The following BMPER variants were observed in gnomAD, a reference collection of about 807,000 sequenced individuals.
BMPER encodes the protein BMP-binding endothelial regulator protein.
In BMPER, 45 loss-of-function variants were observed where a neutral mutation model predicts 87.3. The ratio of observed to expected loss-of-function variants is 0.52; its 90% CI spans 0.41 to 0.66. BMPER has a LOEUF of 0.66. BMPER is among the 30% of genes least tolerant of loss of function. The pLI is 0.00. For missense variants in BMPER, 784 were observed against 867.5 expected, an observed-to-expected ratio of 0.90 and a Z score of 1.21; for synonymous variants, 326 against 316.2, an observed-to-expected ratio of 1.03 and a Z score of -0.33.
chr7:33,916,236 T>A (rs1308013959), intron 2 of BMPER, among the ~76,000 whole-genome samples: 1 of 152,240 alleles, frequency 6.6e-6, no homozygotes, highest in Non-Finnish European at 1.5e-5. Context: ...CTTAGGAAGA[T>A]GGGTTGCTCC....
At chr7:34,146,707 G>A (rs545040843) in intron 14 of BMPER, among the ~76,000 whole-genome samples, 2 of 152,296 alleles carry the variant, frequency 1.3e-5, no homozygotes, top group African/African-American at 2.4e-5. Flanking sequence ...GAGCTAGGAA[G>A]CAAGGAAGCT....
chr7:33,959,137 T>G lies in BMPER; in HGVS notation c.320-7342T>G, dbSNP rs1334885823. On this transcript the variant is annotated intron_variant, in intron 3 of 14. Coordinates refer to ENST00000649409, the MANE Select transcript of BMPER (RefSeq NM_001365308.1). ...CTTCTTTTCATTACACATTACCCAG[T>G]CTCGTGTATGTCTTTATTAGCAGTG... 1.3e-5 allele frequency among the ~76,000 whole-genome samples: 2 copies of G among 152,168 alleles called. 1 individual carries two copies. Among genetic ancestry groups the G allele is most frequent in the Non-Finnish European group, 2.9e-5 (2 of 68,016 alleles).
At chr7:33,917,179 T>C (rs1377969969) in intron 2 of BMPER, among the ~76,000 whole-genome samples, 2 of 152,106 alleles carry the variant, frequency 1.3e-5, no homozygotes, top group East Asian at 3.9e-4. Context: ...AAAGTCACAA[T>C]GAAAAATGTC....
intron 13 of BMPER, among the ~76,000 whole-genome samples, chr7:34,129,227 G>A (rs1192312155): frequency 6.6e-6 from 1 of 152,122 alleles, no homozygotes; most frequent in Non-Finnish European, 1.5e-5. Flanking sequence ...TTAGGGACGG[G>A]TGTGGTGGCT....
At chr7:34,060,125 C>T (rs775629088) in intron 10 of BMPER, among the ~76,000 whole-genome samples, 7 of 152,110 alleles carry the variant, frequency 4.6e-5, no homozygotes, top group Admixed American at 3.3e-4. Flanking sequence ...CAGAGTCTTA[C>T]GGCTAATTGC....
At chr7:34,112,093 G>C (rs1789980860) in intron 13 of BMPER, among the ~76,000 whole-genome samples, 1 of 152,110 alleles carries the variant, frequency 6.6e-6, no homozygotes, top group African/African-American at 2.4e-5. Flanking sequence ...TTTTAGGGGA[G>C]TTTACAAAAT....
chr7:33,963,780 C>A (rs1466856405), intron 3 of BMPER, among the ~76,000 whole-genome samples: 4 of 151,966 alleles, frequency 2.6e-5, no homozygotes, highest in Non-Finnish European at 5.9e-5. Flanking sequence ...GAGACAAGAG[C>A]AAAACTCCGT....
chr7:34,149,988 A>G (rs941742848), intron 14 of BMPER, among the ~76,000 whole-genome samples: 1 of 152,180 alleles, frequency 6.6e-6, no homozygotes, highest in African/African-American at 2.4e-5. Context: ...ATTTGCTATG[A>G]CAAAGAGTAG....
intron 5 of BMPER, among the ~76,000 whole-genome samples, chr7:33,972,621 A>ATCTCTTT (rs1313383369): frequency 6.6e-6 from 1 of 151,716 alleles, no homozygotes; most frequent in African/African-American, 2.4e-5. Flanking sequence ...TGAGGTTGGG[A>ATCTCTTT]TCTGGCCCTT....
intron 11 of BMPER, among the ~76,000 whole-genome samples, chr7:34,074,314 G>A (rs1788808608): frequency 6.6e-6 from 1 of 152,178 alleles, no homozygotes; most frequent in Non-Finnish European, 1.5e-5. Flanking sequence ...GCCACGTGGT[G>A]GATCATGTGC....
intron 2 of BMPER, among the ~76,000 whole-genome samples, chr7:33,914,257 G>A (rs1419782361): frequency 3.3e-5 from 5 of 152,148 alleles, no homozygotes; most frequent in South Asian, 2.1e-4. Flanking sequence ...GAGCCACCGC[G>A]CCCGGCCTTC....
chr7:34,074,277 T>G (rs768810586), intron 11 of BMPER, among the ~76,000 whole-genome samples: 9 of 152,236 alleles, frequency 5.9e-5, no homozygotes, highest in Non-Finnish European at 1.2e-4. Flanking sequence ...TGTTTCCCAT[T>G]TAAGAGGCCA....
intron 10 of BMPER, 50 bp from the exon 11 acceptor site, chr7:34,061,952 T>TG: frequency 1.5e-6 from 2 of 1,357,144 alleles, no homozygotes; most frequent in Non-Finnish European, 2.0e-6. Context: ...GAGACCCTGT[T>TG]TTTTTTTTTT....
chr7:34,092,436 C>T (rs145670827), intron 13 of BMPER, among the ~76,000 whole-genome samples: 234 of 152,320 alleles, frequency 1.5e-3, no homozygotes, highest in African/African-American at 4.2e-3. Context: ...TCTCAGTTTG[C>T]CTGAGGTCCT....
At chr7:33,966,400 A>G (rs2128617696) in intron 3 of BMPER, 79 bp from the exon 4 acceptor site, 1 of 1,259,872 alleles carries the variant, frequency 7.9e-7, no homozygotes, top group South Asian at 1.2e-5. Context: ...TAGAGAACAT[A>G]ACTTATTTTG....
intron 10 of BMPER, among the ~76,000 whole-genome samples, chr7:34,061,316 G>A (rs1246098851): frequency 6.6e-6 from 1 of 152,102 alleles, no homozygotes; most frequent in Non-Finnish European, 1.5e-5. Context: ...TCCTTTAAAT[G>A]TCATGCATTA....
chr7:33,911,557 T>C (rs7790162), intron 2 of BMPER, among the ~76,000 whole-genome samples: 100,874 of 152,064 alleles, frequency 0.66, 33,716 homozygotes, highest in Middle Eastern at 0.82. Flanking sequence ...TTTGGAGAGC[T>C]CTTCCAAGAA....
chr7:33,905,754 A>AG lies in BMPER; in HGVS notation c.133+13dup, dbSNP rs1330908350. ...CTTCCTCCTTCTTGACAGGTAGGGG[A>AG]GGGGGCGGGAGGGACCGGCCCTCCG... On this transcript the variant is annotated intron_variant, in intron 1 of 14. Coordinates refer to ENST00000649409, the MANE Select transcript of BMPER (RefSeq NM_001365308.1). The AG allele has an allele frequency of 2.2e-6, 1 of 457,968 alleles. No individual in the cohort carries two copies. The highest frequency in any genetic ancestry group is 3.8e-6 in the Non-Finnish European group (1 of 265,722). 28.4% of individuals were successfully genotyped at this position (457,968 alleles called of 1,614,324 possible). A position where few individuals can be genotyped will look rare whatever the true frequency, so the allele number is the denominator to read the frequency against.
intron 11 of BMPER, among the ~76,000 whole-genome samples, chr7:34,076,972 T>C (rs1788881323): frequency 6.6e-6 from 1 of 152,100 alleles, no homozygotes; most frequent in African/African-American, 2.4e-5. Flanking sequence ...GAAGGTGGAG[T>C]TAAGGACCTG....
Sources: allele counts gnomAD v4.1 joint callset (sites outside exome capture counted in the v4.1 genomes callset), GRCh38; gene constraint gnomAD v4.1.1; transcripts MANE v1.5; gene names NCBI Gene and HGNC (gene_info 2026-07-23, HGNC 2026-07-21).